The following SCLT1 variants were observed in gnomAD, a reference collection of about 807,000 sequenced individuals.
The protein encoded by SCLT1 is sodium channel-associated protein 1.
SCLT1 carries 78 observed loss-of-function variants against 112.8 expected under a neutral mutation model. That is an observed-to-expected ratio of 0.69 (90% CI 0.58 to 0.83). The LOEUF (loss-of-function observed/expected upper bound fraction) is 0.83. Ranked by LOEUF, SCLT1 falls within the 40% of genes least tolerant of loss-of-function variation. The pLI, the probability that SCLT1 is intolerant of heterozygous loss-of-function variation, is 0.00. For synonymous variants in SCLT1, 257 were observed against 254.7 expected (o/e 1.01, Z -0.09); for missense variants, 747 against 770.4 (o/e 0.97, Z 0.36).
chr4:129,016,832 T>C (rs1223708133), intron 5 of SCLT1, among the ~76,000 whole-genome samples: 1 of 152,240 alleles, frequency 6.6e-6, no homozygotes, highest in Non-Finnish European at 1.5e-5. Context: ...TTCCAATTTC[T>C]TTAAACAGAT....
At chr4:128,879,139 C>G (rs146283620), downstream of SCLT1, among the ~76,000 whole-genome samples, 496 of 150,848 alleles carry the variant, frequency 3.3e-3, 4 homozygotes, top group African/African-American at 0.012. Flanking sequence ...AAAAAAAAAG[C>G]TCACAGCTCA....
At chr4:128,929,882 T>A (rs1201093591) in intron 18 of SCLT1, among the ~76,000 whole-genome samples, 1 of 152,178 alleles carries the variant, frequency 6.6e-6, no homozygotes, top group African/African-American at 2.4e-5. Context: ...ACTGGATGGT[T>A]AAAAAGAGAA....
chr4:129,055,341 C>T (rs745398756), intron 2 of SCLT1, among the ~76,000 whole-genome samples: 2 of 152,192 alleles, frequency 1.3e-5, no homozygotes, highest in Non-Finnish European at 2.9e-5. Flanking sequence ...TCTTCAGAGC[C>T]ATCAGGCAAG....
At chr4:128,883,732 T>C (rs1343129471), downstream of SCLT1, among the ~76,000 whole-genome samples, 1 of 152,172 alleles carries the variant, frequency 6.6e-6, no homozygotes, top group Non-Finnish European at 1.5e-5. Flanking sequence ...GATGCAAACC[T>C]CTCTGCTTTA....
intron 20 of SCLT1, among the ~76,000 whole-genome samples, chr4:128,886,025 C>G (rs958417944): frequency 2.7e-4 from 41 of 152,152 alleles, no homozygotes; most frequent in African/African-American, 9.4e-4. Flanking sequence ...ATATATGGTA[C>G]AAATATTTTT....
chr4:129,087,219 C>T (rs568860244), intron 1 of SCLT1, among the ~76,000 whole-genome samples: 1 of 152,234 alleles, frequency 6.6e-6, no homozygotes, highest in South Asian at 2.1e-4. Context: ...AATGTGAGAC[C>T]TGCAGAGGTT....
chr4:129,040,114 C>A (rs1407732589), intron 4 of SCLT1: 2 of 692,712 alleles, frequency 2.9e-6, no homozygotes, highest in Non-Finnish European at 5.3e-6. Context: ...TCTCTTTCAA[C>A]CGAGAAGATC....
intron 2 of SCLT1, among the ~76,000 whole-genome samples, chr4:129,063,751 C>G (rs1400163086): frequency 6.6e-6 from 1 of 152,136 alleles, no homozygotes; most frequent in African/African-American, 2.4e-5. Flanking sequence ...ACTGTGAGTC[C>G]CTCCCTGTTC....
At chr4:128,992,106 A>T (rs1404108432) in intron 9 of SCLT1, 61 bp downstream of exon 9, 3 of 1,106,930 alleles carry the variant, frequency 2.7e-6, no homozygotes, top group Non-Finnish European at 4.0e-6. Context: ...TTATAGCATC[A>T]TCAGCTCCCC....
rs567777626 is a variant in SCLT1 at position 128,884,134 on chromosome 4, T to G, written c.*343A>C. The G allele has an allele frequency of 5.6e-6, 1 of 178,118 alleles. No homozygotes were observed. Among genetic ancestry groups the G allele is most frequent in the East Asian group, 1.4e-4 (1 of 6,950 alleles). The allele number at this position is 178,118 out of a possible 1,614,324, so 11.0% of individuals were successfully genotyped here. A position where few individuals can be genotyped will look rare whatever the true frequency, so the allele number is the denominator to read the frequency against. ...TGAAATATTAAATTCTAGAATTTTC[T>G]TAAAAACTCTTTCTTATGAAAGAGA... On this transcript the variant is annotated 3_prime_UTR_variant, in exon 21 of 21. Coordinates refer to ENST00000281142, the MANE Select transcript of SCLT1 (RefSeq NM_144643.4).
At chr4:129,047,589 T>A (rs894572160) in intron 2 of SCLT1, among the ~76,000 whole-genome samples, 23 of 152,128 alleles carry the variant, frequency 1.5e-4, no homozygotes, top group African/African-American at 4.8e-4. Context: ...GCTAAACTAA[T>A]GTACATTTCT....
At chr4:128,998,105 A>T (rs573593246) in intron 7 of SCLT1, among the ~76,000 whole-genome samples, 166 bp from the exon 8 acceptor site, 11 of 152,012 alleles carry the variant, frequency 7.2e-5, no homozygotes, top group Admixed American at 2.0e-4. Context: ...AAACTAAGAA[A>T]TTTTTTAAAT....
intron 8 of SCLT1, among the ~76,000 whole-genome samples, chr4:128,995,480 C>T (rs571926808): frequency 2.0e-5 from 3 of 152,048 alleles, no homozygotes; most frequent in African/African-American, 4.8e-5. Flanking sequence ...TTGTATGGAA[C>T]ATCTTTAGCT....
chr4:129,009,715 G>A (rs1744352600), intron 5 of SCLT1, among the ~76,000 whole-genome samples: 1 of 151,868 alleles, frequency 6.6e-6, no homozygotes, highest in Non-Finnish European at 1.5e-5. Flanking sequence ...CTCTAATTAA[G>A]TTGAGCTTTT....
rs1738941105 is a variant in SCLT1 at position 128,953,475 on chromosome 4, G to C, written c.1147-635C>G. Reference sequence around the variant, plus strand: ...CAATTATAGAAGTAGGTGTGACCTTGTGGCCTCTCTGAACAATATTTTTGA... The same window carrying C: ...CAATTATAGAAGTAGGTGTGACCTTCTGGCCTCTCTGAACAATATTTTTGA... On this transcript the variant is annotated intron_variant, in intron 13 of 20. Coordinates refer to ENST00000281142, the MANE Select transcript of SCLT1 (RefSeq NM_144643.4). 2.6e-5 allele frequency among the ~76,000 whole-genome samples: 4 copies of C among 152,260 alleles called. No homozygotes were observed. In the South Asian group the frequency reaches 8.3e-4, roughly 32 times the overall value.
Position 129,003,805 on chromosome 4 carries a change from G to A in SCLT1, c.362C>T (p.Thr121Ile), listed in dbSNP as rs374599412. The A allele has an allele frequency of 6.2e-7, 1 of 1,611,958 alleles. No homozygotes were observed. Among genetic ancestry groups the A allele is most frequent in the East Asian group, 2.2e-5 (1 of 44,730 alleles). The change falls in exon 6 of 21, where the codon ACT (threonine) becomes ATT (isoleucine). Residue 121 changes from threonine to isoleucine, a missense_variant. Around this residue, in one of 2 missense-constraint regions of SCLT1, gnomAD observed 723 missense variants for 721.3 expected, o/e 1.00. Transcript: ENST00000281142. ...EAFPLGTEVG[T>I]DIYADDETVR... Reference sequence around the variant, plus strand: ...TGTTTCATCATCTGCATATATGTCAGTTCCTACCTCTGTGCCCAGGGGAAA... The same window carrying A: ...TGTTTCATCATCTGCATATATGTCAATTCCTACCTCTGTGCCCAGGGGAAA...
At position 129,093,144 on chromosome 4, in the gene SCLT1, T is replaced by C; in HGVS notation, c.-41A>G. 1 of 1,598,284 alleles carries C rather than the reference T, an allele frequency of 6.3e-7. No homozygotes were observed. Among genetic ancestry groups the C allele is most frequent in the Non-Finnish European group, 8.6e-7 (1 of 1,165,694 alleles). On this transcript the variant is annotated 5_prime_UTR_variant, in exon 1 of 21. Coordinates refer to ENST00000281142, the MANE Select transcript of SCLT1 (RefSeq NM_144643.4). ...GTTTAGAGCTTTCACCACCTTTACC[T>C]TCCTCTGAAAGACAGAGAGCTTGCT... is the stretch of plus-strand genomic sequence containing the variant.
At chr4:129,025,767 G>C (rs568934234) in intron 5 of SCLT1, among the ~76,000 whole-genome samples, 5 of 151,938 alleles carry the variant, frequency 3.3e-5, no homozygotes, top group African/African-American at 1.2e-4. Flanking sequence ...ATTGGATAAA[G>C]AGTCAAGACA....
At chr4:128,893,878 A>C (rs1231729679) in intron 18 of SCLT1, among the ~76,000 whole-genome samples, 2 of 152,122 alleles carry the variant, frequency 1.3e-5, no homozygotes, top group Non-Finnish European at 2.9e-5. Context: ...AAATTAAAAA[A>C]CAGAAATTAA....
Sources: gnomAD v4.1 joint callset for allele counts (sites outside exome capture counted in the v4.1 genomes callset) on GRCh38, gnomAD v4.1.1 for gene constraint, gnomAD v4.1.1 regional missense constraint, MANE v1.5 for transcripts, NCBI Gene and HGNC (gene_info 2026-07-23, HGNC 2026-07-21) for gene names.